RFFL: variants seen among roughly 807,000 people sequenced by gnomAD.
RFFL encodes E3 ubiquitin-protein ligase rififylin.
RFFL carries 16 observed loss-of-function variants against 40.4 expected under a neutral mutation model. The ratio of observed to expected loss-of-function variants is 0.40; its 90% CI spans 0.27 to 0.60. RFFL has a LOEUF of 0.60. RFFL is among the 20% of genes least tolerant of loss of function. The probability of loss-of-function intolerance (pLI) is 0.47; values close to 1 mark genes in which losing one functional copy is unlikely to be tolerated. For synonymous variants in RFFL, 154 were observed against 167.9 expected, an observed-to-expected ratio of 0.92 and a Z score of 0.64; for missense variants, 367 against 451.7, an observed-to-expected ratio of 0.81 and a Z score of 1.70.
intron 1 of RFFL, among the ~76,000 whole-genome samples, chr17:35,027,546 G>T (rs1453189943): frequency 6.6e-6 from 1 of 151,920 alleles, no homozygotes; most frequent in Non-Finnish European, 1.5e-5. Flanking sequence ...CCAACATGGA[G>T]AAACTCCATC....
chr17:35,087,334 G>C (rs1282105529), intron 1 of RFFL, among the ~76,000 whole-genome samples: 3 of 151,690 alleles, frequency 2.0e-5, no homozygotes, highest in African/African-American at 7.3e-5. Context: ...CTGAGTGACA[G>C]AGTGAGACTC....
intron 1 of RFFL, among the ~76,000 whole-genome samples, chr17:35,048,183 G>A (rs1240654886): frequency 6.6e-6 from 1 of 151,732 alleles, no homozygotes; most frequent in Non-Finnish European, 1.5e-5. Context: ...TGGGCGGATC[G>A]TGAGGTCAGG....
intron 6 of RFFL, 78 bp downstream of exon 6, chr17:35,014,662 T>C (rs2142314272): frequency 7.5e-7 from 1 of 1,340,872 alleles, no homozygotes; most frequent in East Asian, 2.3e-5. Context: ...AATTCTTAGA[T>C]TACTAAAGGG....
intron 1 of RFFL, among the ~76,000 whole-genome samples, chr17:35,039,139 T>C (rs1402184241): frequency 6.6e-6 from 1 of 152,184 alleles, no homozygotes; most frequent in Non-Finnish European, 1.5e-5. Context: ...ACTCCTGGGC[T>C]CAAGCAATCC....
chr17:35,061,890 G>A (rs548845428), intron 1 of RFFL, among the ~76,000 whole-genome samples: 1 of 151,916 alleles, frequency 6.6e-6, no homozygotes, highest in East Asian at 2.0e-4. Context: ...ATGTTAGCCA[G>A]GCTGGTCTCA....
chr17:35,078,502 A>C (rs928020686), intron 1 of RFFL, among the ~76,000 whole-genome samples: 4 of 152,124 alleles, frequency 2.6e-5, no homozygotes, highest in Non-Finnish European at 5.9e-5. Flanking sequence ...AGGTTTTGCT[A>C]TGTTGCCCAG....
intron 1 of RFFL, among the ~76,000 whole-genome samples, chr17:35,033,298 G>T (rs2091097327): frequency 6.6e-6 from 1 of 151,998 alleles, no homozygotes; most frequent in Non-Finnish European, 1.5e-5. Flanking sequence ...GGAGGCCGAG[G>T]TGGGCAGATC....
rs1260013403 is a variant in RFFL, at chr17:35,011,620, G to A, written c.*348C>T. The A allele has an allele frequency of 8.7e-6, 2 of 229,672 alleles. No homozygotes were observed. The highest frequency in any genetic ancestry group is 1.7e-5 in the Non-Finnish European group (2 of 115,574). The allele number at this position is 229,672 out of a possible 1,614,324, so 14.2% of individuals were successfully genotyped here. On this transcript the variant is annotated 3_prime_UTR_variant, in exon 7 of 7. Transcript: ENST00000394597. ...CATCTCCCATATGGGGTGGGGATGGGTTGGGTACAGGAGGAGGGGTGAAAC... is the reference window on the plus strand; with the variant it reads ...CATCTCCCATATGGGGTGGGGATGGATTGGGTACAGGAGGAGGGGTGAAAC...
At chr17:35,028,161 C>T (rs2091056084) in intron 1 of RFFL, among the ~76,000 whole-genome samples, 1 of 151,890 alleles carries the variant, frequency 6.6e-6, no homozygotes, top group South Asian at 2.1e-4. Context: ...ATGGCAAAAT[C>T]CCATCTCTAC....
intron 1 of RFFL, among the ~76,000 whole-genome samples, chr17:35,081,193 GT>G (rs527470811): frequency 3.2e-4 from 48 of 152,290 alleles, no homozygotes; most frequent in African/African-American, 1.0e-3. Context: ...ACCTGTGTAG[GT>G]TATAACTCCA....
intron 1 of RFFL, among the ~76,000 whole-genome samples, chr17:35,076,064 GCT>G (rs2091374688): frequency 7.0e-6 from 1 of 142,938 alleles, no homozygotes; most frequent in African/African-American, 2.7e-5. Flanking sequence ...CATGATCTTG[GCT>G]CACTGCAATC....
At chr17:35,064,549 CAAA>C (rs752636374), upstream of RFFL, among the ~76,000 whole-genome samples, 3 of 68,714 alleles carry the variant, frequency 4.4e-5, no homozygotes, top group Admixed American at 1.6e-4. Flanking sequence ...TGGTGTTATA[CAAA>C]AAAAAAAAAA....
At chr17:35,032,656 G>A (rs981420887) in intron 1 of RFFL, among the ~76,000 whole-genome samples, 5 of 152,004 alleles carry the variant, frequency 3.3e-5, no homozygotes, top group African/African-American at 1.2e-4. Context: ...GAAGATAAAG[G>A]TTTGGGAACA....
chr17:35,062,708 G>A (rs1366491872), intron 1 of RFFL, among the ~76,000 whole-genome samples: 2 of 152,222 alleles, frequency 1.3e-5, no homozygotes, highest in Non-Finnish European at 2.9e-5. Flanking sequence ...GGTCTGAGGT[G>A]AAAGAGAACG....
chr17:35,078,132 G>A (rs1216346320), intron 1 of RFFL, among the ~76,000 whole-genome samples: 1 of 152,042 alleles, frequency 6.6e-6, no homozygotes, highest in Non-Finnish European at 1.5e-5. Flanking sequence ...TGATTCTGTA[G>A]GGCTGGGCTA....
At chr17:35,028,656 T>C (rs2142330369) in intron 1 of RFFL, among the ~76,000 whole-genome samples, 1 of 152,226 alleles carries the variant, frequency 6.6e-6, no homozygotes, top group South Asian at 2.1e-4. Context: ...AATAGAATGC[T>C]CTGCTGTCTC....
chr17:35,018,252 T>C (rs1164667639), intron 3 of RFFL, among the ~76,000 whole-genome samples: 1 of 152,210 alleles, frequency 6.6e-6, no homozygotes, highest in Non-Finnish European at 1.5e-5. Flanking sequence ...TTAAGTGCTA[T>C]GTCCAGACCT....
chr17:35,089,167 G>A (rs2142393922), exon 1 of RFFL: 1 of 152,144 alleles, frequency 6.6e-6, no homozygotes, highest in South Asian at 2.1e-4. Context: ...GCCGGATCCC[G>A]GCCGCGGACG....
intron 1 of RFFL, among the ~76,000 whole-genome samples, chr17:35,036,813 G>A (rs1406213138): frequency 6.6e-6 from 1 of 152,202 alleles, no homozygotes; most frequent in East Asian, 1.9e-4. Context: ...AGATTCCTAA[G>A]TAGTTTCAAA....
Sources: allele counts gnomAD v4.1 joint callset (sites outside exome capture counted in the v4.1 genomes callset), GRCh38; gene constraint gnomAD v4.1.1; transcripts MANE v1.5; gene names NCBI Gene and HGNC (gene_info 2026-07-23, HGNC 2026-07-21).